UPRT: variants seen among roughly 807,000 people sequenced by gnomAD.
The protein encoded by UPRT is RP11-311P8.3.
UPRT carries 5 observed loss-of-function variants against 22.6 expected under a neutral mutation model. That is an observed-to-expected ratio of 0.22 (90% CI 0.12 to 0.47). The LOEUF is 0.47. UPRT is among the 20% of genes least tolerant of loss of function. The pLI, the probability that UPRT is intolerant of heterozygous loss-of-function variation, is 0.99. For synonymous variants in UPRT, 77 were observed against 87.7 expected, an observed-to-expected ratio of 0.88 and a Z score of 0.68; for missense variants, 181 against 239.9, an observed-to-expected ratio of 0.75 and a Z score of 1.62.
chrX:75,280,891 A>C (rs2082653865), intron 1 of UPRT, among the ~76,000 whole-genome samples: 1 of 111,409 alleles, frequency 9.0e-6, no homozygotes, highest in African/African-American at 3.3e-5. Flanking sequence ...TATTGACTCT[A>C]CCCATCCATG....
intron 4 of UPRT, among the ~76,000 whole-genome samples, chrX:75,265,379 C>A (rs961786244): frequency 2.9e-4 from 32 of 111,402 alleles, no homozygotes; most frequent in Non-Finnish European, 5.7e-4. Flanking sequence ...TTGTTCATTT[C>A]TTTTTATTCT....
intron 4 of UPRT, among the ~76,000 whole-genome samples, chrX:75,240,710 T>A (rs1360340283): frequency 1.8e-5 from 2 of 111,768 alleles, no homozygotes; most frequent in East Asian, 2.8e-4. Flanking sequence ...CAAAACAACA[T>A]GGTATTTGTT....
intron 4 of UPRT, among the ~76,000 whole-genome samples, chrX:75,222,243 G>A (rs5981817): frequency 0.032 from 3,562 of 111,895 alleles, 147 homozygotes; most frequent in African/African-American, 0.11. Context: ...AGTGACACAA[G>A]TACTGCTGTG....
intron 4 of UPRT, among the ~76,000 whole-genome samples, chrX:75,214,641 G>A (rs768827917): frequency 1.8e-5 from 2 of 112,598 alleles, no homozygotes; most frequent in East Asian, 5.6e-4. Flanking sequence ...TAGGTGTGGT[G>A]GCTCATGCCT....
At chrX:75,301,477 A>G (rs2082744094) in intron 6 of UPRT, among the ~76,000 whole-genome samples, 1 of 112,011 alleles carries the variant, frequency 8.9e-6, no homozygotes, top group Non-Finnish European at 1.9e-5. Context: ...ACATTGCAGA[A>G]CAATTGGGAA....
chrX:75,255,590 A>G (rs5937996), intron 4 of UPRT, among the ~76,000 whole-genome samples: 8,523 of 111,410 alleles, frequency 0.077, 474 homozygotes, highest in African/African-American at 0.2. Flanking sequence ...GAACTCACCA[A>G]CCAACTACCT....
chrX:75,197,685 A>C (rs1425861596), intron 4 of UPRT, among the ~76,000 whole-genome samples: 1 of 112,176 alleles, frequency 8.9e-6, no homozygotes. Context: ...TGAATGGACA[A>C]GAAACTTAAC....
chrX:75,255,110 CA>C (rs2082545377), intron 4 of UPRT, among the ~76,000 whole-genome samples: 1 of 111,269 alleles, frequency 9.0e-6, no homozygotes, highest in Admixed American at 9.6e-5. Flanking sequence ...ACAAAAGCGC[CA>C]AGTAACCTAT....
chrX:75,289,793 A>G (rs779413983), intron 1 of UPRT, among the ~76,000 whole-genome samples: 1 of 111,537 alleles, frequency 9.0e-6, no homozygotes, highest in Non-Finnish European at 1.9e-5. Flanking sequence ...ACTTTTCACC[A>G]TGTAGAAAAC....
chrX:75,212,533 T>A (rs2082382786), intron 4 of UPRT, among the ~76,000 whole-genome samples: 1 of 111,900 alleles, frequency 8.9e-6, no homozygotes, highest in African/African-American at 3.3e-5. Flanking sequence ...AGACATGGAA[T>A]CAACCCAAAG....
intron 3 of UPRT, among the ~76,000 whole-genome samples, chrX:75,164,959 T>C (rs1395031837): frequency 1.9e-5 from 2 of 106,103 alleles, no homozygotes; most frequent in Non-Finnish European, 3.8e-5. Context: ...GATAAATTGT[T>C]TTGTAAACTT....
upstream of UPRT, among the ~76,000 whole-genome samples, chrX:75,269,600 A>G (rs2082601448): frequency 9.0e-6 from 1 of 111,579 alleles, no homozygotes; most frequent in African/African-American, 3.3e-5. Context: ...AAATAACACC[A>G]TACATCTACA....
intron 1 of UPRT, among the ~76,000 whole-genome samples, chrX:75,278,277 G>A (rs893932715): frequency 8.9e-6 from 1 of 111,914 alleles, no homozygotes; most frequent in African/African-American, 3.2e-5. Flanking sequence ...TGAGAACATT[G>A]TCTGTATTGA....
intron 4 of UPRT, among the ~76,000 whole-genome samples, chrX:75,230,093 G>C (rs914142945): frequency 8.9e-6 from 1 of 111,739 alleles, no homozygotes; most frequent in Non-Finnish European, 1.9e-5. Flanking sequence ...AGTGAGACTG[G>C]CCTTGCAGGC....
intron 4 of UPRT, among the ~76,000 whole-genome samples, chrX:75,200,624 T>G (rs1385931860): frequency 9.0e-6 from 1 of 111,404 alleles, no homozygotes; most frequent in Non-Finnish European, 1.9e-5. Flanking sequence ...TAAACAGAGT[T>G]TGAGTCACAT....
At chrX:75,184,191 G>C (rs1449985602) in intron 4 of UPRT, among the ~76,000 whole-genome samples, 1 of 111,254 alleles carries the variant, frequency 9.0e-6, no homozygotes, top group Non-Finnish European at 1.9e-5. Flanking sequence ...ATCTTGAATT[G>C]ATTTTTGTAT....
At chrX:75,162,089 A>T in intron 2 of UPRT, among the ~76,000 whole-genome samples, 2 of 95,874 alleles carry the variant, frequency 2.1e-5, no homozygotes, top group Admixed American at 1.3e-4. Context: ...GTATACCCTA[A>T]TTTCCTTCTT....
chrX:75,211,085 A>G (rs1277794152), intron 4 of UPRT, among the ~76,000 whole-genome samples: 1 of 110,166 alleles, frequency 9.1e-6, no homozygotes, highest in Non-Finnish European at 1.9e-5. Context: ...CTGGGCTGGG[A>G]GGTTCCAGAT....
rs1224195928 is a variant in UPRT, at chrX:75,235,725, A to C, written c.-446-55299A>C. 2.7e-5 allele frequency among the ~76,000 whole-genome samples: 3 copies of C among 111,994 alleles called. No individual in the cohort carries two copies. In the East Asian group the frequency reaches 8.4e-4, roughly 31 times the overall value. ...ATGATTATCTCAATAGATGCAGAAA[A>C]GGCCTTTGACAAAATTCAACAACGC... On this transcript the variant is annotated intron_variant, in intron 4 of 13. Transcript: ENST00000652605.
Sources: allele counts gnomAD v4.1 joint callset (sites outside exome capture counted in the v4.1 genomes callset), GRCh38; gene constraint gnomAD v4.1.1; transcripts MANE v1.5; gene names NCBI Gene and HGNC (gene_info 2026-07-23, HGNC 2026-07-21).